The following CGGBP1 variants were observed in gnomAD, a reference collection of about 807,000 sequenced individuals.
The protein encoded by CGGBP1 is CGG triplet repeat-binding protein 1.
In CGGBP1, 4 loss-of-function variants were observed where a neutral mutation model predicts 11.4. The observed-to-expected ratio is 0.35, with a 90% CI of 0.17 to 0.80. The LOEUF is 0.80. Among genes scored for constraint, CGGBP1 ranks in the 30% least tolerant of loss-of-function variants. The pLI is 0.52. For synonymous variants in CGGBP1, 76 were observed against 74.1 expected (o/e 1.03, Z -0.13); for missense variants, 135 against 202.1 (o/e 0.67, Z 2.01).
chr3:88,053,589 A>C lies in CGGBP1; in HGVS notation c.*1884T>G, dbSNP rs1169425824. 6.6e-6 allele frequency: 1 copy of C among 152,504 alleles called. No homozygotes were observed. The highest frequency in any genetic ancestry group is 1.5e-5 in the Non-Finnish European group (1 of 67,994). The allele number at this position is 152,504 out of a possible 1,614,324, so 9.4% of individuals were successfully genotyped here. A position where few individuals can be genotyped will look rare whatever the true frequency, so the allele number is the denominator to read the frequency against. Reference sequence around the variant, plus strand: ...TACATTTTGCTATTAGTGCAAATTAATACCCAAATAATAGGGAGCAGTTTG... The same window carrying C: ...TACATTTTGCTATTAGTGCAAATTACTACCCAAATAATAGGGAGCAGTTTG... On this transcript the variant is annotated 3_prime_UTR_variant, in exon 4 of 4. Transcript: ENST00000482016.
chr3:88,060,302 C>G (rs183419711), upstream of CGGBP1, among the ~76,000 whole-genome samples: 1 of 152,134 alleles, frequency 6.6e-6, no homozygotes, highest in Non-Finnish European at 1.5e-5. Context: ...AAATTATTTA[C>G]TCAGTCGACC....
At chr3:88,112,624 T>A (rs1705160510) in intron 2 of CGGBP1, among the ~76,000 whole-genome samples, 1 of 152,082 alleles carries the variant, frequency 6.6e-6, no homozygotes, top group Non-Finnish European at 1.5e-5. Flanking sequence ...GTTGTTAGTA[T>A]ATGCTATAAT....
chr3:88,137,691 T>A (rs560610340), intron 2 of CGGBP1, among the ~76,000 whole-genome samples: 7 of 152,154 alleles, frequency 4.6e-5, no homozygotes, highest in Non-Finnish European at 4.4e-5. Flanking sequence ...TTAGAACTGA[T>A]TCTCAAAGAA....
chr3:88,094,659 C>T (rs1703949788), intron 2 of CGGBP1, among the ~76,000 whole-genome samples: 1 of 152,124 alleles, frequency 6.6e-6, no homozygotes, highest in Admixed American at 6.5e-5. Flanking sequence ...GATCTTTATT[C>T]TTTAAAAGTT....
At chr3:88,142,290 A>G (rs1248985341) in intron 1 of CGGBP1, 1 of 56,556 alleles carries the variant, frequency 1.8e-5, no homozygotes, top group Non-Finnish European at 5.5e-5. Context: ...AAATTAAAAA[A>G]CAAAACAAAA....
At chr3:88,099,817 A>G (rs1025048090) in intron 2 of CGGBP1, among the ~76,000 whole-genome samples, 2 of 152,224 alleles carry the variant, frequency 1.3e-5, no homozygotes, top group Non-Finnish European at 2.9e-5. Context: ...TTATACAAAA[A>G]TTAATTCAAG....
chr3:88,139,335 G>A, intron 2 of CGGBP1: 1 of 1,606,548 alleles, frequency 6.2e-7, no homozygotes, highest in Non-Finnish European at 8.5e-7. Flanking sequence ...GGAATTTTTA[G>A]GTGGTCACAT....
Position 88,068,145 on chromosome 3 carries a change from A to T in CGGBP1, c.-228-9922T>A, listed in dbSNP as rs539051881. On this transcript the variant is annotated intron_variant, in intron 2 of 3. Coordinates refer to the CGGBP1 transcript ENST00000462901. ...CTGATTAGAGAGGTATGTTGAATTG[A>T]CCCACAGAACCATTTGAATTTGATC... Among the ~76,000 whole-genome samples, 3 of 151,934 alleles carry T rather than the reference A, an allele frequency of 2.0e-5. No individual in the cohort carries two copies. The East Asian group carries it at 5.8e-4, about 30-fold the overall frequency.
At chr3:88,110,472 C>A (rs962625421) in intron 2 of CGGBP1, among the ~76,000 whole-genome samples, 3 of 152,058 alleles carry the variant, frequency 2.0e-5, no homozygotes, top group African/African-American at 7.2e-5. Context: ...AATTTTCACC[C>A]ACCATGAAAT....
intron 1 of CGGBP1, chr3:88,141,999 C>T (rs62268165): frequency 1.9e-5 from 3 of 162,126 alleles, no homozygotes; most frequent in South Asian, 2.6e-4. Context: ...GAAAAATTAA[C>T]CCATTATTAA....
chr3:88,148,440 C>G (rs901093263), intron 1 of CGGBP1, among the ~76,000 whole-genome samples: 3 of 152,148 alleles, frequency 2.0e-5, no homozygotes, highest in African/African-American at 7.2e-5. Context: ...ACAACACTCC[C>G]AAAAGCTCCT....
At chr3:88,128,767 C>A (rs1274911121) in intron 2 of CGGBP1, 1 of 1,373,212 alleles carries the variant, frequency 7.3e-7, no homozygotes, top group Non-Finnish European at 9.8e-7. Flanking sequence ...TTGAGAGAAT[C>A]TTTTCTTGAG....
chr3:88,112,732 G>T (rs1463684592), intron 2 of CGGBP1, among the ~76,000 whole-genome samples: 1 of 151,738 alleles, frequency 6.6e-6, no homozygotes, highest in African/African-American at 2.4e-5. Flanking sequence ...ATGAGATTTT[G>T]GATTTTCTCT....
At chr3:88,074,111 T>G (rs1434591192) in intron 2 of CGGBP1, among the ~76,000 whole-genome samples, 1 of 152,178 alleles carries the variant, frequency 6.6e-6, no homozygotes, top group Non-Finnish European at 1.5e-5. Context: ...CTCCCATTTT[T>G]GAGTTCACAA....
Position 88,055,483 on chromosome 3 carries a change from T to C in CGGBP1, c.494A>G (p.Gln165Arg). Residue 165 changes from glutamine to arginine, a missense_variant, in exon 4 of 4, where the codon CAA becomes CGA. By Grantham distance (43) the Gln-to-Arg change is conservative. Transcript: ENST00000482016. This position sits in a 1 kb window ranked among gnomAD's most constrained non-coding sequence, Gnocchi z 4.2. ...GTGGTAACCTCCTAGTCAACAATCT[T>C]GTGAGTTGAGGAGTTGATTCTCATT... ...YENENQLLNS[Q>R]DC The C allele has an allele frequency of 6.6e-7, 1 of 1,519,168 alleles. No homozygotes were observed. The highest frequency in any genetic ancestry group is 2.3e-5 in the East Asian group (1 of 43,926). 94.1% of individuals were successfully genotyped at this position (1,519,168 alleles called of 1,614,324 possible).
At chr3:88,146,598 G>T (rs1177207280) in intron 1 of CGGBP1, among the ~76,000 whole-genome samples, 1 of 152,114 alleles carries the variant, frequency 6.6e-6, no homozygotes, top group Admixed American at 6.6e-5. Flanking sequence ...CATTGATACA[G>T]AATTTTGCTA....
chr3:88,075,727 T>C (rs1024723615), intron 2 of CGGBP1, among the ~76,000 whole-genome samples: 1 of 152,236 alleles, frequency 6.6e-6, no homozygotes, highest in African/African-American at 2.4e-5. Context: ...TTTGAGCCTG[T>C]TATTAAATTT....
chr3:88,089,308 G>C (rs1469100794), intron 2 of CGGBP1, among the ~76,000 whole-genome samples: 2 of 151,078 alleles, frequency 1.3e-5, no homozygotes, highest in African/African-American at 2.4e-5. Context: ...TAGCCAACAT[G>C]GTGAAACCCT....
chr3:88,126,089 T>C, intron 2 of CGGBP1: 1 of 1,416,164 alleles, frequency 7.1e-7, no homozygotes, highest in Non-Finnish European at 9.2e-7. Context: ...GTTTAGTTTT[T>C]AACCCCTTTA....
Sources: allele counts gnomAD v4.1 joint callset (sites outside exome capture counted in the v4.1 genomes callset), GRCh38; gene constraint gnomAD v4.1.1; non-coding constraint Gnocchi (gnomAD v3.1); transcripts MANE v1.5; gene names NCBI Gene and HGNC (gene_info 2026-07-23, HGNC 2026-07-21).